Variants in PTPRZ1 observed in about 807,000 individuals in gnomAD.
The protein encoded by PTPRZ1 is receptor-type tyrosine-protein phosphatase zeta.
In PTPRZ1, 82 loss-of-function variants were observed where a neutral mutation model predicts 214.1. The ratio of observed to expected loss-of-function variants is 0.38; its 90% CI spans 0.32 to 0.46. PTPRZ1 has a LOEUF of 0.46. Among genes scored for constraint, PTPRZ1 ranks in the 20% least tolerant of loss-of-function variants. The pLI is 1.00. For missense variants in PTPRZ1, 2,603 were observed against 2,748.7 expected (o/e 0.95, Z 1.19); for synonymous variants, 945 against 987.9 (o/e 0.96, Z 0.81).
chr7:121,983,909 A>G, intron 7 of PTPRZ1, 58 bp from the exon 8 acceptor site: 1 of 1,591,682 alleles, frequency 6.3e-7, no homozygotes, highest in Non-Finnish European at 8.6e-7. Flanking sequence ...TATCCATTTT[A>G]AAGCATTTAC....
At position 122,060,441 on chromosome 7, in the gene PTPRZ1, G is replaced by T. The variant is rs1225305796; in HGVS notation, c.6807+553G>T. On this transcript the variant is annotated intron_variant, in intron 29 of 29. Transcript: ENST00000393386. ...GCTATGATGCTGCTCACTGGTTCAG[G>T]TTCTCTGTAGCTACCTCTCCCCAAA... Among the ~76,000 whole-genome samples, 5 of 152,268 alleles carry T rather than the reference G, an allele frequency of 3.3e-5. No homozygotes were observed. In the East Asian group the frequency reaches 9.6e-4, roughly 29 times the overall value.
intron 2 of PTPRZ1, chr7:121,967,011 A>G (rs1200963373): frequency 6.6e-6 from 1 of 152,160 alleles, no homozygotes; most frequent in East Asian, 1.9e-4. Flanking sequence ...GTTTAACCAG[A>G]GACTTGGACT....
intron 1 of PTPRZ1, among the ~76,000 whole-genome samples, chr7:121,904,258 A>C (rs1795055355): frequency 6.6e-6 from 1 of 152,102 alleles, no homozygotes; most frequent in East Asian, 1.9e-4. Flanking sequence ...CCGTTTTTCA[A>C]GTATCTCACT....
intron 12 of PTPRZ1, among the ~76,000 whole-genome samples, chr7:122,015,873 G>A (rs1436082462): frequency 1.3e-5 from 2 of 152,034 alleles, no homozygotes; most frequent in African/African-American, 2.4e-5. Context: ...AATTAGTGAA[G>A]TAAATAAGAT....
intron 3 of PTPRZ1, among the ~76,000 whole-genome samples, chr7:121,968,732 AC>A (rs1797121862): frequency 6.6e-6 from 1 of 151,756 alleles, no homozygotes; most frequent in South Asian, 2.1e-4. Flanking sequence ...AAAAAGTGAC[AC>A]CTTTTCTTTT....
At chr7:121,963,862 G>A (rs779688467) in intron 2 of PTPRZ1, among the ~76,000 whole-genome samples, 24 of 151,854 alleles carry the variant, frequency 1.6e-4, no homozygotes, top group Non-Finnish European at 1.3e-4. Context: ...TTTAAATTTG[G>A]TCCACACTCA....
chr7:121,901,296 G>A (rs887873689), intron 1 of PTPRZ1, among the ~76,000 whole-genome samples: 11 of 152,082 alleles, frequency 7.2e-5, no homozygotes, highest in African/African-American at 2.7e-4. Flanking sequence ...ATAGGGATGA[G>A]GCAATGTTAT....
chr7:121,925,440 G>A (rs1460116059), intron 1 of PTPRZ1, among the ~76,000 whole-genome samples: 1 of 152,148 alleles, frequency 6.6e-6, no homozygotes, highest in Non-Finnish European at 1.5e-5. Flanking sequence ...GTTCATAATA[G>A]CCAAAAATTA....
At chr7:121,992,935 G>A (rs1182134959) in intron 8 of PTPRZ1, among the ~76,000 whole-genome samples, 2 of 152,104 alleles carry the variant, frequency 1.3e-5, no homozygotes, top group South Asian at 2.1e-4. Context: ...GTGACTTGAC[G>A]TGGGCCCCAG....
At chr7:121,978,045 T>A (rs1249633973) in intron 6 of PTPRZ1, among the ~76,000 whole-genome samples, 1 of 152,164 alleles carries the variant, frequency 6.6e-6, no homozygotes, top group African/African-American at 2.4e-5. Flanking sequence ...CCAGGTACTT[T>A]ACTTTTTGGG....
intron 1 of PTPRZ1, among the ~76,000 whole-genome samples, chr7:121,899,261 C>T (rs1014725465): frequency 2.6e-4 from 40 of 151,900 alleles, no homozygotes; most frequent in African/African-American, 7.3e-5. Context: ...CAGTTCAAAT[C>T]GATTATATTT....
At chr7:121,979,207 T>G (rs559845644) in intron 6 of PTPRZ1, among the ~76,000 whole-genome samples, 1 of 152,172 alleles carries the variant, frequency 6.6e-6, no homozygotes, top group South Asian at 2.1e-4. Context: ...CCCCTCTTTC[T>G]TTCTTTCCCT....
intron 11 of PTPRZ1, among the ~76,000 whole-genome samples, chr7:122,006,488 A>T (rs562642877): frequency 3.1e-4 from 47 of 152,212 alleles, no homozygotes; most frequent in African/African-American, 1.1e-3. Context: ...GAGTGAGAAC[A>T]TGCAGTATTT....
At chr7:121,892,440 C>T (rs1346942600) in intron 1 of PTPRZ1, among the ~76,000 whole-genome samples, 1 of 151,760 alleles carries the variant, frequency 6.6e-6, no homozygotes, top group Non-Finnish European at 1.5e-5. Flanking sequence ...ATCTTCAAAA[C>T]TTAGTACCTG....
chr7:122,044,719 T>A, intron 23 of PTPRZ1, 151 bp downstream of exon 23: 1 of 772,136 alleles, frequency 1.3e-6, no homozygotes, highest in Non-Finnish European at 2.0e-6. Flanking sequence ...TGGGCTACAG[T>A]GCCACATGGT....
intron 1 of PTPRZ1, among the ~76,000 whole-genome samples, chr7:121,926,470 A>T (rs1795767614): frequency 6.6e-6 from 1 of 152,158 alleles, no homozygotes; most frequent in Non-Finnish European, 1.5e-5. Flanking sequence ...TGGACAGTGA[A>T]GGAGGATGAT....
At chr7:122,033,051 A>G (rs981313483) in intron 15 of PTPRZ1, among the ~76,000 whole-genome samples, 3 of 152,030 alleles carry the variant, frequency 2.0e-5, no homozygotes, top group African/African-American at 7.2e-5. Flanking sequence ...GGTTTTCATA[A>G]CTATAAAATC....
At position 121,918,042 on chromosome 7, in the gene PTPRZ1, G is replaced by GCTAACCA. The variant is rs558063506; in HGVS notation, c.59-10114_59-10113insCTAACCA. Among the ~76,000 whole-genome samples, 395 of 151,060 alleles carry GCTAACCA rather than the reference G, an allele frequency of 2.6e-3. 1 individual carries two copies. The highest frequency in any genetic ancestry group is 8.4e-3 in the African/African-American group (349 of 41,362). On this transcript the variant is annotated intron_variant, in intron 1 of 29. Transcript: ENST00000393386. ...AATAAAGGTTTCTTATTTCTAGACC[G>GCTAACCA]GCTAAAAAAAAAAAAAAAAGGAATT... is the stretch of plus-strand genomic sequence containing the variant.
At chr7:122,007,816 A>G (rs1268019824) in intron 11 of PTPRZ1, among the ~76,000 whole-genome samples, 1 of 152,158 alleles carries the variant, frequency 6.6e-6, no homozygotes. Flanking sequence ...CAATAACTCT[A>G]TAAAGAAATT....
Sources: allele counts gnomAD v4.1 joint callset (sites outside exome capture counted in the v4.1 genomes callset), GRCh38; gene constraint gnomAD v4.1.1; transcripts MANE v1.5; gene names NCBI Gene and HGNC (gene_info 2026-07-23, HGNC 2026-07-21).